The following ACSM3 variants were observed in gnomAD, a reference collection of about 807,000 sequenced individuals.
The protein encoded by ACSM3 is acyl-CoA synthetase medium chain family member 3.
In ACSM3, 61 loss-of-function variants were observed where a neutral mutation model predicts 74.1. That is an observed-to-expected ratio of 0.82 (90% CI 0.67 to 1.02). The LOEUF (loss-of-function observed/expected upper bound fraction) is 1.02. ACSM3 is among the 50% of genes least tolerant of loss of function. ACSM3 has a pLI of 0.00. For missense variants in ACSM3, 660 were observed against 697.0 expected, an observed-to-expected ratio of 0.95 and a Z score of 0.60; for synonymous variants, 213 against 241.5, an observed-to-expected ratio of 0.88 and a Z score of 1.09.
At chr16:20,726,018 G>A (rs1567325250) in intron 1 of ACSM3, among the ~76,000 whole-genome samples, 2 of 151,850 alleles carry the variant, frequency 1.3e-5, no homozygotes, top group Non-Finnish European at 2.9e-5. Context: ...CTCCTGGGGG[G>A]CAAAATTGTC....
chr16:20,742,412 C>T (rs2079935449), intron 1 of ACSM3, among the ~76,000 whole-genome samples: 1 of 152,098 alleles, frequency 6.6e-6, no homozygotes, highest in Non-Finnish European at 1.5e-5. Flanking sequence ...AATCCCAGCA[C>T]TTTGGGAGGC....
intron 1 of ACSM3, among the ~76,000 whole-genome samples, chr16:20,713,177 A>G (rs2079749660): frequency 6.6e-6 from 1 of 152,158 alleles, no homozygotes; most frequent in Admixed American, 6.5e-5. Flanking sequence ...GATAGTATCT[A>G]CCTCATGGGG....
intron 1 of ACSM3, among the ~76,000 whole-genome samples, chr16:20,713,441 T>C (rs539031461): frequency 6.6e-6 from 1 of 152,288 alleles, no homozygotes; most frequent in African/African-American, 2.4e-5. Flanking sequence ...TATATACATG[T>C]ACTTTTGTGC....
intron 1 of ACSM3, chr16:20,737,035 C>T (rs763577890): frequency 1.2e-6 from 2 of 1,613,988 alleles, no homozygotes; most frequent in Admixed American, 1.7e-5. Context: ...TTATTTTTTC[C>T]TTCTGCTGTG....
At chr16:20,752,177 G>A (rs554492825) in intron 2 of ACSM3, among the ~76,000 whole-genome samples, 1 of 151,980 alleles carries the variant, frequency 6.6e-6, no homozygotes, top group East Asian at 1.9e-4. Flanking sequence ...GCGACAGAGC[G>A]AGACTCTGTC....
intron 1 of ACSM3, among the ~76,000 whole-genome samples, chr16:20,748,443 A>T (rs1222336534): frequency 1.3e-5 from 2 of 152,184 alleles, no homozygotes; most frequent in African/African-American, 4.8e-5. Context: ...ACCTTGGGGA[A>T]GTTAATTGTT....
At chr16:20,698,183 CTG>C (rs1311509580) in intron 1 of ACSM3, among the ~76,000 whole-genome samples, 1 of 139,372 alleles carries the variant, frequency 7.2e-6, no homozygotes, top group African/African-American at 2.7e-5. Context: ...GACAGAGACT[CTG>C]TCTCAAAAAA....
intron 10 of ACSM3, among the ~76,000 whole-genome samples, chr16:20,791,385 A>G (rs573595360): frequency 6.6e-6 from 1 of 152,244 alleles, no homozygotes; most frequent in South Asian, 2.1e-4. Flanking sequence ...TACCAGCATT[A>G]TCTATTAATC....
intron 1 of ACSM3, among the ~76,000 whole-genome samples, chr16:20,722,668 T>C (rs1216054356): frequency 6.6e-6 from 1 of 152,320 alleles, no homozygotes; most frequent in Non-Finnish European, 1.5e-5. Context: ...TATACATGAA[T>C]ACGTGGGCAA....
At chr16:20,795,087 CAAA>C (rs1427686860) in intron 12 of ACSM3, among the ~76,000 whole-genome samples, 3 of 152,102 alleles carry the variant, frequency 2.0e-5, no homozygotes, top group Non-Finnish European at 2.9e-5. Context: ...TATAAAATGT[CAAA>C]AAGTGAATGG....
chr16:20,682,667 T>G (rs982181634), intron 1 of ACSM3, among the ~76,000 whole-genome samples: 3 of 152,220 alleles, frequency 2.0e-5, no homozygotes, highest in Non-Finnish European at 4.4e-5. Flanking sequence ...TAACAAGTTT[T>G]CCAAGTGATT....
At chr16:20,728,518 C>T (rs1448234615) in intron 1 of ACSM3, 1 of 858,704 alleles carries the variant, frequency 1.2e-6, no homozygotes, top group Non-Finnish European at 1.8e-6. Flanking sequence ...CTAGTCATGT[C>T]TTAATACAGA....
intron 9 of ACSM3, chr16:20,789,662 A>G (rs1297910196): frequency 2.9e-6 from 2 of 683,890 alleles, no homozygotes; most frequent in African/African-American, 1.8e-5. Flanking sequence ...AAAACTGTAT[A>G]TTATAAAGCA....
At chr16:20,717,592 GTCTT>G (rs1166231168) in intron 1 of ACSM3, among the ~76,000 whole-genome samples, 4 of 152,130 alleles carry the variant, frequency 2.6e-5, no homozygotes, top group Non-Finnish European at 5.9e-5. Context: ...CAGTCTAAAT[GTCTT>G]TTAATAATAC....
chr16:20,754,030 G>A (rs2080009427), intron 2 of ACSM3, among the ~76,000 whole-genome samples: 1 of 152,158 alleles, frequency 6.6e-6, no homozygotes, highest in Admixed American at 6.6e-5. Context: ...CAGTGGAAAA[G>A]GTGACCCACG....
At chr16:20,739,229 G>A (rs958268457) in intron 1 of ACSM3, among the ~76,000 whole-genome samples, 1 of 151,420 alleles carries the variant, frequency 6.6e-6, no homozygotes, top group Non-Finnish European at 1.5e-5. Flanking sequence ...AGGCTGGAGT[G>A]CAGTGGTGCG....
chr16:20,790,983 C>G lies in ACSM3; in HGVS notation c.1326+295C>G, dbSNP rs1596537941. The stretch of plus-strand genomic sequence containing the variant: ...TCCCCTGATCCTCTCAATTATCAAA[C>G]AAAACCCACTCATTTTCCTGAAATC... On this transcript the variant is annotated intron_variant, in intron 10 of 13. Coordinates refer to ENST00000289416, the MANE Select transcript of ACSM3 (RefSeq NM_005622.4). This position sits in a 1 kb window ranked among gnomAD's most constrained non-coding sequence, Gnocchi z 4.0. 1.3e-6 allele frequency: 2 copies of G among 1,570,086 alleles called. No homozygotes were observed. Among genetic ancestry groups the G allele is most frequent in the Non-Finnish European group, 1.7e-6 (2 of 1,151,580 alleles).
chr16:20,696,478 T>G (rs1053713790), intron 1 of ACSM3, among the ~76,000 whole-genome samples: 1 of 152,262 alleles, frequency 6.6e-6, no homozygotes, highest in African/African-American at 2.4e-5. Context: ...GAAAAGCCAG[T>G]GTGCCCACAA....
At chr16:20,711,590 C>G in intron 1 of ACSM3, 2 of 1,291,818 alleles carry the variant, frequency 1.5e-6, no homozygotes, top group Non-Finnish European at 2.2e-6. Flanking sequence ...GTAGTGGAGT[C>G]CATTGCACTG....
Sources: allele counts gnomAD v4.1 joint callset (sites outside exome capture counted in the v4.1 genomes callset), GRCh38; gene constraint gnomAD v4.1.1; non-coding constraint Gnocchi (gnomAD v3.1); transcripts MANE v1.5; gene names NCBI Gene and HGNC (gene_info 2026-07-23, HGNC 2026-07-21).